Variants in NHSL1 observed in about 807,000 individuals in gnomAD.
The protein encoded by NHSL1 is NHS like 1.
A neutral mutation model predicts 95.0 loss-of-function variants in NHSL1; 48 were observed. The observed-to-expected ratio is 0.51, with a 90% CI of 0.40 to 0.64. NHSL1 has a LOEUF of 0.64. Among genes scored for constraint, NHSL1 ranks in the 30% least tolerant of loss-of-function variants. The pLI, the probability that NHSL1 is intolerant of heterozygous loss-of-function variation, is 0.00. For missense variants in NHSL1, 1,971 were observed against 2,077.7 expected (o/e 0.95, Z 1.00); for synonymous variants, 783 against 833.9 (o/e 0.94, Z 1.05).
chr6:138,574,749 G>A (rs1364708411), upstream of NHSL1, among the ~76,000 whole-genome samples: 1 of 151,982 alleles, frequency 6.6e-6, no homozygotes, highest in Non-Finnish European at 1.5e-5. Context: ...CTACTCAGGA[G>A]GCTGAGGTGG....
At chr6:138,461,361 G>A (rs953558341) in intron 3 of NHSL1, among the ~76,000 whole-genome samples, 5 of 152,170 alleles carry the variant, frequency 3.3e-5, no homozygotes, top group African/African-American at 4.8e-5. Flanking sequence ...ACAGAGTAGC[G>A]GGGGTACAAG....
At chr6:138,545,720 C>A, upstream of NHSL1, 1 of 1,269,148 alleles carries the variant, frequency 7.9e-7, no homozygotes. Context: ...CCCAGCCCAC[C>A]TCCTCAGCGC....
intron 1 of NHSL1, among the ~76,000 whole-genome samples, chr6:138,633,951 A>G (rs1251963083): frequency 6.6e-6 from 1 of 152,186 alleles, no homozygotes; most frequent in Non-Finnish European, 1.5e-5. Context: ...TAAGACATAG[A>G]GTTTTTATTA....
exon 1 of NHSL1, chr6:138,572,084 A>G (rs1783860896): frequency 1.7e-6 from 1 of 580,848 alleles, no homozygotes; most frequent in Non-Finnish European, 3.0e-6. Context: ...ATTAAAAAGA[A>G]AGGGAAAAGG....
intron 1 of NHSL1, among the ~76,000 whole-genome samples, chr6:138,638,391 T>G (rs1018290225): frequency 6.6e-6 from 1 of 152,210 alleles, no homozygotes; most frequent in Non-Finnish European, 1.5e-5. Context: ...GATGGATAGC[T>G]CATTTTCTAT....
chr6:138,526,335 G>C (rs1309881239), intron 1 of NHSL1, among the ~76,000 whole-genome samples: 1 of 152,028 alleles, frequency 6.6e-6, no homozygotes, highest in East Asian at 1.9e-4. Context: ...ACAAAAATTA[G>C]CCAAGCCTGG....
chr6:138,693,110 C>G (rs1407667331), upstream of NHSL1, among the ~76,000 whole-genome samples: 10 of 151,604 alleles, frequency 6.6e-5, no homozygotes, highest in Non-Finnish European at 1.3e-4. The surrounding 1 kb of genome is among the most constrained non-coding windows in gnomAD (Gnocchi z 4.3). Context: ...CGAGGGGAGC[C>G]GCGAGTCCCG....
At chr6:138,629,943 A>G (rs1784795187) in intron 1 of NHSL1, among the ~76,000 whole-genome samples, 1 of 152,210 alleles carries the variant, frequency 6.6e-6, no homozygotes, top group Non-Finnish European at 1.5e-5. Context: ...TACTTCCCCC[A>G]AAGTAGACAA....
rs368173475 is a variant in NHSL1 at position 138,447,151 on chromosome 6, T to C, written c.382A>G (p.Arg128Gly). ...SSEEERFISI[R>G]RPKTPASSDF... ...CTTGAGGCTGGTGTTTTAGGTCTCC[T>C]GATGGAAATAAATCTTTCTTCTTCT... Residue 128 changes from arginine to glycine, a missense_variant, in exon 4 of 8, where the codon AGG becomes GGG. Arg to Gly is a moderately radical substitution (Grantham distance 125). This residue lies in a region of NHSL1 where 1,602 missense variants were observed against 1,654.5 expected (regional missense o/e 0.97). Coordinates refer to ENST00000343505, the MANE Select transcript of NHSL1 (RefSeq NM_001144060.2). The C allele has an allele frequency of 6.4e-7, 1 of 1,551,668 alleles. No homozygotes were observed. The highest frequency in any genetic ancestry group is 8.7e-7 in the Non-Finnish European group (1 of 1,147,004).
chr6:138,458,924 G>A (rs1174001247), intron 3 of NHSL1, among the ~76,000 whole-genome samples: 1 of 152,014 alleles, frequency 6.6e-6, no homozygotes, highest in East Asian at 1.9e-4. Flanking sequence ...GCAGAATGGT[G>A]AGCTTTCTGA....
At chr6:138,556,663 C>A (rs1228712363) in intron 1 of NHSL1, among the ~76,000 whole-genome samples, 1 of 151,598 alleles carries the variant, frequency 6.6e-6, no homozygotes, top group African/African-American at 2.4e-5. Context: ...GGTTCATTAA[C>A]AAATTCATGG....
chr6:138,546,884 A>G (rs769620633), upstream of NHSL1, among the ~76,000 whole-genome samples: 22 of 152,210 alleles, frequency 1.4e-4, no homozygotes, highest in Non-Finnish European at 2.9e-4. Flanking sequence ...ATCTTATGAC[A>G]GACCTGATGA....
chr6:138,472,118 T>C (rs567884810), intron 3 of NHSL1, among the ~76,000 whole-genome samples: 94 of 150,262 alleles, frequency 6.3e-4, no homozygotes, highest in African/African-American at 2.0e-3. Flanking sequence ...GGAGATGGAG[T>C]TTGCAGTGAG....
intron 1 of NHSL1, among the ~76,000 whole-genome samples, chr6:138,530,383 C>G (rs1334376396): frequency 2.0e-5 from 3 of 152,148 alleles, no homozygotes; most frequent in Non-Finnish European, 2.9e-5. Flanking sequence ...CCTTAAAGAA[C>G]TCAAAGTAGA....
At chr6:138,479,872 A>C (rs955601472) in intron 2 of NHSL1, among the ~76,000 whole-genome samples, 1 of 152,214 alleles carries the variant, frequency 6.6e-6, no homozygotes, top group Non-Finnish European at 1.5e-5. Context: ...AATTTTCCCA[A>C]GTTTATTATA....
At chr6:138,429,920 T>G in intron 6 of NHSL1, 77 bp from the exon 7 acceptor site, 1 of 1,404,378 alleles carries the variant, frequency 7.1e-7, no homozygotes, top group East Asian at 2.5e-5. Context: ...CTAAATATGC[T>G]GCTTCCCTGC....
chr6:138,503,659 C>T (rs914055137), upstream of NHSL1, among the ~76,000 whole-genome samples: 9 of 152,158 alleles, frequency 5.9e-5, no homozygotes, highest in African/African-American at 2.2e-4. Flanking sequence ...CTACCTGGAC[C>T]TTTAAGAGAA....
At chr6:138,508,560 A>C (rs956595285) in intron 1 of NHSL1, among the ~76,000 whole-genome samples, 3 of 152,170 alleles carry the variant, frequency 2.0e-5, no homozygotes, top group Non-Finnish European at 4.4e-5. Context: ...CTTGTGGTCC[A>C]GTTTTCAATT....
chr6:138,561,345 AT>A (rs1179974620), intron 1 of NHSL1, among the ~76,000 whole-genome samples: 6 of 152,146 alleles, frequency 3.9e-5, no homozygotes, highest in African/African-American at 1.4e-4. Context: ...TATGGGAGTG[AT>A]GATCTCTTCT....
Sources: allele counts gnomAD v4.1 joint callset (sites outside exome capture counted in the v4.1 genomes callset), GRCh38; gene constraint gnomAD v4.1.1; regional missense constraint gnomAD v4.1.1; non-coding constraint Gnocchi (gnomAD v3.1); transcripts MANE v1.5; gene names NCBI Gene and HGNC (gene_info 2026-07-23, HGNC 2026-07-21).